The following ZNF608 variants were observed in gnomAD, a reference collection of about 807,000 sequenced individuals.
ZNF608 encodes the protein zinc finger protein 608.
In ZNF608, 12 loss-of-function variants were observed where a neutral mutation model predicts 109.0. The observed-to-expected ratio is 0.11, with a 90% CI of 0.07 to 0.18. ZNF608 has a LOEUF of 0.18. Among genes scored for constraint, ZNF608 ranks in the 10% least tolerant of loss-of-function variants. The probability of loss-of-function intolerance (pLI) is 1.00; values close to 1 mark genes in which losing one functional copy is unlikely to be tolerated. For missense variants in ZNF608, 1,707 were observed against 1,879.3 expected (o/e 0.91, Z 1.70); for synonymous variants, 732 against 717.4 (o/e 1.02, Z -0.33).
At position 124,744,940 on chromosome 5, in the gene ZNF608, A is replaced by G; in HGVS notation, c.50T>C (p.Val17Ala). 1.2e-6 allele frequency: 2 copies of G among 1,614,094 alleles called. No homozygotes were observed. Among genetic ancestry groups the G allele is most frequent in the African/African-American group, 2.7e-5 (2 of 75,046 alleles). Residue 17 changes from valine (V) to alanine (A), a missense_variant, in exon 2 of 10, where the codon GTT (valine) becomes GCT (alanine). Val to Ala is a moderately conservative substitution (Grantham distance 64, BLOSUM62 0). Transcript: ENST00000513986. This position sits in a 1 kb window ranked among gnomAD's most constrained non-coding sequence, Gnocchi z 4.5. Reference protein sequence around the residue: ...TAGKGVDPNTVDTYDSGDDWE... With the variant: ...TAGKGVDPNTADTYDSGDDWE... ...ATCATCGCCACTGTCATAAGTATCA[A>G]CTGTATTTGGATCCACACCTTTTCC...
chr5:124,645,838 G>C (rs543250308), intron 5 of ZNF608, among the ~76,000 whole-genome samples: 2 of 152,198 alleles, frequency 1.3e-5, no homozygotes, highest in African/African-American at 4.8e-5. Flanking sequence ...GAGTAAGACT[G>C]AAATCTAGGC....
intron 2 of ZNF608, among the ~76,000 whole-genome samples, chr5:124,743,854 A>AAGC (rs144751589): frequency 0.18 from 27,343 of 151,206 alleles, 2,859 homozygotes; most frequent in Admixed American, 0.3. Context: ...CTAGCATCAC[A>AAGC]AGCAGCAGCA....
chr5:124,716,486 G>T (rs1451839706), intron 2 of ZNF608, among the ~76,000 whole-genome samples: 1 of 152,068 alleles, frequency 6.6e-6, no homozygotes, highest in African/African-American at 2.4e-5. Flanking sequence ...AAATATACTA[G>T]GAAAAAGTAG....
upstream of ZNF608, among the ~76,000 whole-genome samples, chr5:124,748,157 G>A (rs1048102435): frequency 2.0e-5 from 3 of 152,060 alleles, no homozygotes; most frequent in African/African-American, 7.2e-5. Flanking sequence ...TTCTGCCCTT[G>A]CCCCCATTTT....
At chr5:124,669,363 G>C (rs1486933741) in intron 3 of ZNF608, among the ~76,000 whole-genome samples, 6 of 152,154 alleles carry the variant, frequency 3.9e-5, no homozygotes, top group African/African-American at 1.4e-4. Context: ...CACACTGTCT[G>C]TGCTTTCCAC....
Position 124,725,618 on chromosome 5 carries a change from AT to A in ZNF608, c.906+18465del, listed in dbSNP as rs895418280. ...TTTAACTGCTGTCTATGACATGTGT[AT>A]TTTTTTTAATCCCTTAACACAGCAA... On this transcript the variant is annotated intron_variant, in intron 2 of 9. Transcript: ENST00000513986. 2.2e-4 allele frequency among the ~76,000 whole-genome samples: 33 copies of A among 152,004 alleles called. No individual in the cohort carries two copies. The East Asian group carries it at 2.7e-3, about 12-fold the overall frequency.
chr5:124,716,873 G>A (rs1301914275), intron 2 of ZNF608, among the ~76,000 whole-genome samples: 4 of 151,954 alleles, frequency 2.6e-5, no homozygotes, highest in South Asian at 4.2e-4. Flanking sequence ...ACCTGAGGTC[G>A]GGAGTTGGAG....
At chr5:124,738,725 A>G (rs1000504183) in intron 2 of ZNF608, among the ~76,000 whole-genome samples, 1 of 152,216 alleles carries the variant, frequency 6.6e-6, no homozygotes, top group African/African-American at 2.4e-5. Context: ...GACATCTTCA[A>G]GCATAAAAAT....
intron 3 of ZNF608, among the ~76,000 whole-genome samples, chr5:124,685,728 G>C (rs559525640): frequency 6.6e-6 from 1 of 152,210 alleles, no homozygotes; most frequent in South Asian, 2.1e-4. Context: ...CAGCCCACCT[G>C]ATCCTGAAAC....
intron 8 of ZNF608, among the ~76,000 whole-genome samples, chr5:124,640,509 G>A (rs1250561018): frequency 1.3e-5 from 2 of 152,200 alleles, no homozygotes; most frequent in Non-Finnish European, 2.9e-5. Context: ...GACGCTGGCT[G>A]TACTGGCACC....
intron 3 of ZNF608, among the ~76,000 whole-genome samples, chr5:124,681,707 C>A (rs1367935766): frequency 1.3e-5 from 2 of 152,156 alleles, no homozygotes; most frequent in Admixed American, 1.3e-4. Context: ...TAGGACCATG[C>A]TACTCACTCT....
At chr5:124,716,200 T>A (rs1029482159) in intron 2 of ZNF608, among the ~76,000 whole-genome samples, 7 of 148,542 alleles carry the variant, frequency 4.7e-5, no homozygotes, top group African/African-American at 9.9e-5. Flanking sequence ...GCTTTACGTA[T>A]CAAAACTAAA....
intron 3 of ZNF608, among the ~76,000 whole-genome samples, chr5:124,657,190 G>A (rs908739357): frequency 1.3e-5 from 2 of 152,124 alleles, no homozygotes. Context: ...AGAAGAGGGA[G>A]CAGAAATAAG....
intron 3 of ZNF608, among the ~76,000 whole-genome samples, chr5:124,651,891 C>A (rs141133678): frequency 6.6e-6 from 1 of 152,244 alleles, no homozygotes; most frequent in African/African-American, 2.4e-5. Context: ...GGGCCGCCTG[C>A]GCTGCTCGGC....
chr5:124,699,284 T>C (rs1752958279), intron 3 of ZNF608, among the ~76,000 whole-genome samples: 1 of 152,154 alleles, frequency 6.6e-6, no homozygotes, highest in African/African-American at 2.4e-5. Context: ...AATAACATGA[T>C]AGAAGCTTGC....
rs761806030 is a variant in ZNF608, at chr5:124,744,622, G to A, written c.368C>T (p.Ala123Val). The change falls in exon 2 of 10, where the codon GCC becomes GTC. Residue 123 changes from alanine to valine, a missense_variant. Physicochemically the swap from Ala to Val is moderately conservative, Grantham distance 64 (BLOSUM62 0). Transcript: ENST00000513986. This position sits in a 1 kb window ranked among gnomAD's most constrained non-coding sequence, Gnocchi z 4.5. The stretch of plus-strand genomic sequence containing the variant: ...GCTGATCTCGGGAATCCCATACAAG[G>A]CAGCAGAAGGCAGAGATTTATTAGC... The part of the protein sequence containing the change: ...KDANKSLPSA[A>V]LYGIPEISST... 5.6e-6 allele frequency: 9 copies of A among 1,614,216 alleles called. No individual in the cohort carries two copies. In the Middle Eastern group the frequency reaches 1.3e-3, roughly 237 times the overall value.
At chr5:124,746,743 G>A, upstream of ZNF608, 1 of 985,078 alleles carries the variant, frequency 1.0e-6, no homozygotes, top group Non-Finnish European at 1.2e-6. Context: ...GTCGGGAAGT[G>A]GCATTTTTCC....
Position 124,647,930 on chromosome 5 carries a change from C to T in ZNF608, c.2454G>A (p.Lys818=). Residue 818 remains lysine, a synonymous_variant, in exon 5 of 10, where the codon AAG becomes AAA. Coordinates refer to ENST00000513986, the MANE Select transcript of ZNF608 (RefSeq NM_020747.3). The part of the protein sequence containing the change: ...LKDKKKKEKR[K]LKDKEGKETG... The stretch of plus-strand genomic sequence containing the variant: ...TCTCTTTCCCTTCTTTGTCCTTTAG[C>T]TTTCGCTTCTCCTTTTTCTTTTTGT... The T allele has an allele frequency of 6.2e-7, 1 of 1,614,156 alleles. No individual in the cohort carries two copies. Among genetic ancestry groups the T allele is most frequent in the Non-Finnish European group, 8.5e-7 (1 of 1,180,028 alleles).
At chr5:124,658,449 G>T (rs1241301365) in intron 3 of ZNF608, among the ~76,000 whole-genome samples, 1 of 152,202 alleles carries the variant, frequency 6.6e-6, no homozygotes, top group Admixed American at 6.5e-5. Context: ...TTTATTTCTT[G>T]TCTTTGATTA....
Sources: allele counts gnomAD v4.1 joint callset (sites outside exome capture counted in the v4.1 genomes callset), GRCh38; gene constraint gnomAD v4.1.1; non-coding constraint Gnocchi (gnomAD v3.1); transcripts MANE v1.5; gene names NCBI Gene and HGNC (gene_info 2026-07-23, HGNC 2026-07-21).